IQCJ: variants seen among roughly 807,000 people sequenced by gnomAD.
The protein encoded by IQCJ is IQ motif containing J.
A neutral mutation model predicts 11.0 loss-of-function variants in IQCJ; 9 were observed. The observed-to-expected ratio is 0.82, with a 90% CI of 0.49 to 1.43. The LOEUF (loss-of-function observed/expected upper bound fraction) is 1.43, where lower values mean the gene tolerates loss of function less well. Among genes scored for constraint, IQCJ ranks in the 40% most tolerant of loss-of-function variants. The pLI, the probability that IQCJ is intolerant of heterozygous loss-of-function variation, is 0.00. For missense variants in IQCJ, 146 were observed against 133.2 expected, an observed-to-expected ratio of 1.10 and a Z score of -0.47; for synonymous variants, 55 against 51.3, an observed-to-expected ratio of 1.07 and a Z score of -0.31.
intron 1 of IQCJ, among the ~76,000 whole-genome samples, chr3:159,197,767 C>T (rs992504764): frequency 6.6e-6 from 1 of 151,610 alleles, no homozygotes; most frequent in African/African-American, 2.4e-5. Flanking sequence ...AAGGGAGCAG[C>T]TACTCTCAAG....
chr3:159,239,527 A>T (rs940560772), intron 1 of IQCJ, among the ~76,000 whole-genome samples: 2 of 152,238 alleles, frequency 1.3e-5, no homozygotes, highest in Non-Finnish European at 2.9e-5. Context: ...CAGGACTGGC[A>T]GTAGCTCCAT....
chr3:159,220,049 G>A (rs770422945), intron 1 of IQCJ, among the ~76,000 whole-genome samples: 1 of 152,124 alleles, frequency 6.6e-6, no homozygotes, highest in African/African-American at 2.4e-5. Flanking sequence ...TACAAGTGGC[G>A]TGCTTCCATT....
At chr3:159,071,548 C>T (rs889759276) in intron 1 of IQCJ, among the ~76,000 whole-genome samples, 6 of 151,954 alleles carry the variant, frequency 3.9e-5, no homozygotes, top group Non-Finnish European at 5.9e-5. Flanking sequence ...AAAAATATTC[C>T]TTGCCTTCAA....
At chr3:159,256,022 A>T (rs1727874220) in intron 3 of IQCJ, among the ~76,000 whole-genome samples, 1 of 152,204 alleles carries the variant, frequency 6.6e-6, no homozygotes, top group South Asian at 2.1e-4. Flanking sequence ...CTCGCAGCAC[A>T]GGCAGAGGTG....
At chr3:159,220,583 T>C (rs866966542) in intron 1 of IQCJ, among the ~76,000 whole-genome samples, 1 of 152,148 alleles carries the variant, frequency 6.6e-6, no homozygotes, top group African/African-American at 2.4e-5. Context: ...TCATATTTTG[T>C]TATAGCAGCT....
At chr3:159,210,346 A>G (rs1017581454) in intron 1 of IQCJ, among the ~76,000 whole-genome samples, 1 of 152,208 alleles carries the variant, frequency 6.6e-6, no homozygotes, top group Non-Finnish European at 1.5e-5. Flanking sequence ...CTGAGTTTTA[A>G]TACTATATGT....
intron 1 of IQCJ, among the ~76,000 whole-genome samples, chr3:159,224,824 A>G (rs1725752233): frequency 6.6e-6 from 1 of 152,208 alleles, no homozygotes; most frequent in Non-Finnish European, 1.5e-5. Flanking sequence ...AGAAAGACAT[A>G]AAGGGAGAAT....
intron 3 of IQCJ, among the ~76,000 whole-genome samples, chr3:159,260,868 C>T (rs1728162287): frequency 6.6e-6 from 1 of 152,016 alleles, no homozygotes; most frequent in African/African-American, 2.4e-5. Context: ...TCATGAAGAG[C>T]CCCTCATCAG....
At chr3:159,124,873 G>GT (rs1719584476) in intron 1 of IQCJ, among the ~76,000 whole-genome samples, 1 of 152,146 alleles carries the variant, frequency 6.6e-6, no homozygotes, top group Non-Finnish European at 1.5e-5. Context: ...AATACTTATG[G>GT]TTTATGCTGT....
intron 1 of IQCJ, among the ~76,000 whole-genome samples, chr3:159,188,352 G>A (rs1235327243): frequency 1.3e-5 from 2 of 152,156 alleles, no homozygotes; most frequent in Non-Finnish European, 2.9e-5. Context: ...GGAGGTTGCA[G>A]TGAGCCGAGA....
intron 1 of IQCJ, chr3:159,069,669 C>G: frequency 1.6e-6 from 1 of 623,234 alleles, no homozygotes; most frequent in Non-Finnish European, 2.8e-6. Context: ...TGTGTCTGTG[C>G]GGACAGATTT....
intron 1 of IQCJ, chr3:159,069,844 T>C: frequency 3.8e-5 from 1 of 26,030 alleles, no homozygotes; most frequent in Non-Finnish European, 6.4e-5. Context: ...CCTCCTTTCT[T>C]GTGTGTGTGT....
At chr3:159,144,004 G>A (rs1720777293) in intron 1 of IQCJ, among the ~76,000 whole-genome samples, 1 of 152,190 alleles carries the variant, frequency 6.6e-6, no homozygotes, top group Admixed American at 6.5e-5. Context: ...GACAAAGCCT[G>A]TGCCCTCAAG....
At chr3:159,103,376 T>G (rs1268380192) in intron 1 of IQCJ, among the ~76,000 whole-genome samples, 1 of 152,210 alleles carries the variant, frequency 6.6e-6, no homozygotes, top group African/African-American at 2.4e-5. Flanking sequence ...TCATATGATT[T>G]GATAGACATT....
intron 1 of IQCJ, among the ~76,000 whole-genome samples, chr3:159,179,165 A>T (rs1355989208): frequency 6.6e-6 from 1 of 152,088 alleles, no homozygotes; most frequent in East Asian, 1.9e-4. Context: ...CATTGCCCTC[A>T]TGTCATTTGA....
intron 1 of IQCJ, among the ~76,000 whole-genome samples, chr3:159,228,115 A>G (rs1015275309): frequency 6.6e-6 from 1 of 152,110 alleles, no homozygotes; most frequent in Non-Finnish European, 1.5e-5. Context: ...CCTTTAGAAA[A>G]CCAAGCATTT....
intron 1 of IQCJ, among the ~76,000 whole-genome samples, chr3:159,182,157 A>G (rs1202582940): frequency 6.6e-6 from 1 of 151,396 alleles, no homozygotes; most frequent in Non-Finnish European, 1.5e-5. Context: ...TTCTCTCCCT[A>G]CTTCTTGGCT....
At chr3:159,144,836 G>C (rs1184378663) in intron 1 of IQCJ, among the ~76,000 whole-genome samples, 1 of 152,090 alleles carries the variant, frequency 6.6e-6, no homozygotes, top group Non-Finnish European at 1.5e-5. Flanking sequence ...TATCCTTAAA[G>C]AATCAGATAC....
At chr3:159,141,743 T>C (rs970767432) in intron 1 of IQCJ, among the ~76,000 whole-genome samples, 1 of 152,238 alleles carries the variant, frequency 6.6e-6, no homozygotes, top group Non-Finnish European at 1.5e-5. Context: ...CATATTTTTC[T>C]TCCAAATTAT....
Sources: allele counts gnomAD v4.1 joint callset (sites outside exome capture counted in the v4.1 genomes callset), GRCh38; gene constraint gnomAD v4.1.1; transcripts MANE v1.5; gene names NCBI Gene and HGNC (gene_info 2026-07-23, HGNC 2026-07-21).